TNS1: variants seen among roughly 807,000 people sequenced by gnomAD.
TNS1 encodes tensin-1.
TNS1 carries 62 observed loss-of-function variants against 168.6 expected under a neutral mutation model. The ratio of observed to expected loss-of-function variants is 0.37; its 90% confidence interval spans 0.30 to 0.45. The LOEUF (loss-of-function observed/expected upper bound fraction) is 0.45. Among genes scored for constraint, TNS1 ranks in the 20% least tolerant of loss-of-function variants. The pLI is 1.00. For synonymous variants in TNS1, 934 were observed against 933.2 expected (o/e 1.00, Z -0.02); for missense variants, 2,240 against 2,339.4 (o/e 0.96, Z 0.88).
chr2:217,887,355 C>CGCAA (rs1951308010), intron 12 of TNS1, among the ~76,000 whole-genome samples: 1 of 152,194 alleles, frequency 6.6e-6, no homozygotes, highest in Non-Finnish European at 1.5e-5. Flanking sequence ...GTTGCCCAGG[C>CGCAA]TGGAGTGCAA....
intron 3 of TNS1, among the ~76,000 whole-genome samples, chr2:217,938,303 G>A (rs1312847539): frequency 6.6e-6 from 1 of 152,206 alleles, no homozygotes; most frequent in Non-Finnish European, 1.5e-5. Context: ...GGCCTTGAGG[G>A]CTGACCCCTG....
chr2:217,896,357 T>C (rs542146088), intron 8 of TNS1, among the ~76,000 whole-genome samples: 1 of 152,250 alleles, frequency 6.6e-6, no homozygotes, highest in East Asian at 1.9e-4. Context: ...CCAGTGTAAG[T>C]AGTTAAGGAT....
intron 2 of TNS1, among the ~76,000 whole-genome samples, chr2:217,982,829 G>T (rs539598266): frequency 1.4e-4 from 22 of 152,274 alleles, no homozygotes; most frequent in Non-Finnish European, 2.1e-4. Flanking sequence ...CAAGGCCAGA[G>T]GCCATCTCCT....
At chr2:217,870,504 T>C (rs1949680501) in intron 18 of TNS1, among the ~76,000 whole-genome samples, 1 of 152,190 alleles carries the variant, frequency 6.6e-6, no homozygotes, top group Non-Finnish European at 1.5e-5. Flanking sequence ...TCTTGGGGTC[T>C]TGATGGGTCC....
intron 4 of TNS1, among the ~76,000 whole-genome samples, chr2:217,915,861 A>T (rs1575066590): frequency 6.6e-6 from 1 of 152,336 alleles, no homozygotes; most frequent in East Asian, 1.9e-4. Context: ...GCTTCCACAC[A>T]GGTCACTGTG....
intron 1 of TNS1, chr2:218,009,974 G>C (rs1340240439): frequency 2.5e-6 from 1 of 394,688 alleles, no homozygotes; most frequent in East Asian, 3.6e-5. Flanking sequence ...GGCCGAGACG[G>C]AGGGTCCCTG....
chr2:217,817,658 G>T, intron 24 of TNS1, 32 bp downstream of exon 24: 1 of 1,514,038 alleles, frequency 6.6e-7, no homozygotes, highest in South Asian at 1.2e-5. Context: ...TCATCAGCAG[G>T]AGAGGTGAAA....
At chr2:217,902,415 G>A (rs1346553054) in intron 6 of TNS1, among the ~76,000 whole-genome samples, 1 of 152,178 alleles carries the variant, frequency 6.6e-6, no homozygotes, top group African/African-American at 2.4e-5. Flanking sequence ...CCAGGAGCAT[G>A]GGACCAGACC....
At chr2:218,027,612 A>G (rs1348817363) in intron 1 of TNS1, among the ~76,000 whole-genome samples, 2 of 152,076 alleles carry the variant, frequency 1.3e-5, no homozygotes, top group Non-Finnish European at 2.9e-5. Context: ...ACATTGTCTC[A>G]GGGTGATGTG....
At chr2:217,842,178 C>G in intron 19 of TNS1, 1 of 700,786 alleles carries the variant, frequency 1.4e-6, no homozygotes, top group Non-Finnish European at 2.6e-6. Context: ...TGTCCTCAAC[C>G]CCTCGGTGAC....
At chr2:217,831,355 C>T in intron 22 of TNS1, 100 bp downstream of exon 22, 1 of 1,089,302 alleles carries the variant, frequency 9.2e-7, no homozygotes, top group Non-Finnish European at 1.3e-6. Context: ...GGGCACAAAG[C>T]TGGCTGCTGA....
intron 22 of TNS1, among the ~76,000 whole-genome samples, chr2:217,824,584 CATA>C (rs1265907163): frequency 6.6e-6 from 1 of 152,220 alleles, no homozygotes; most frequent in African/African-American, 2.4e-5. Context: ...ACCCACTGCA[CATA>C]CAACCCTCTG....
intron 2 of TNS1, among the ~76,000 whole-genome samples, chr2:217,989,653 T>C (rs1170960369): frequency 6.6e-6 from 1 of 151,882 alleles, no homozygotes; most frequent in African/African-American, 2.4e-5. Context: ...CTCATGAAAA[T>C]AGCGATTGAA....
intron 8 of TNS1, among the ~76,000 whole-genome samples, 154 bp from the exon 9 acceptor site, chr2:217,895,210 T>C (rs987625216): frequency 5.3e-5 from 8 of 152,190 alleles, no homozygotes; most frequent in Admixed American, 4.6e-4. Flanking sequence ...AGAGCGTCAA[T>C]GTCCTCTCAC....
intron 22 of TNS1, among the ~76,000 whole-genome samples, chr2:217,829,659 C>T (rs1210898547): frequency 6.6e-6 from 1 of 152,186 alleles, no homozygotes; most frequent in Non-Finnish European, 1.5e-5. Context: ...GCTCCCCCAT[C>T]AGGACTCAGG....
At chr2:217,935,089 C>T (rs1453367940) in intron 3 of TNS1, among the ~76,000 whole-genome samples, 1 of 152,224 alleles carries the variant, frequency 6.6e-6, no homozygotes, top group Non-Finnish European at 1.5e-5. Context: ...TCTCTCTCTG[C>T]CCCAAGTCAG....
intron 2 of TNS1, among the ~76,000 whole-genome samples, chr2:217,984,946 A>G (rs1415336737): frequency 6.6e-6 from 1 of 151,842 alleles, no homozygotes; most frequent in Non-Finnish European, 1.5e-5. Context: ...CTAAGTAGAG[A>G]ACGGGTTTCA....
intron 3 of TNS1, among the ~76,000 whole-genome samples, chr2:217,958,380 C>T (rs1957416346): frequency 6.6e-6 from 1 of 152,198 alleles, no homozygotes; most frequent in Non-Finnish European, 1.5e-5. Context: ...GCACCCTCTT[C>T]CCAAACCGTC....
chr2:217,963,716 C>T (rs907236670), intron 3 of TNS1, among the ~76,000 whole-genome samples: 8 of 148,212 alleles, frequency 5.4e-5, no homozygotes, highest in East Asian at 2.0e-4. Flanking sequence ...TAACTCATCA[C>T]GTGAGCCATG....
Sources: gnomAD v4.1 joint callset for allele counts (sites outside exome capture counted in the v4.1 genomes callset) on GRCh38, gnomAD v4.1.1 for gene constraint, MANE v1.5 for transcripts, NCBI Gene and HGNC (gene_info 2026-07-23, HGNC 2026-07-21) for gene names.